The following PEX14 variants were observed in gnomAD, a reference collection of about 807,000 sequenced individuals.
PEX14 encodes the protein peroxisomal membrane protein PEX14.
In PEX14, 15 loss-of-function variants were observed where a neutral mutation model predicts 49.5. That is an observed-to-expected ratio of 0.30 (90% CI 0.20 to 0.47). The LOEUF is 0.47. Among genes scored for constraint, PEX14 ranks in the 20% least tolerant of loss-of-function variants. The pLI is 1.00. For synonymous variants in PEX14, 210 were observed against 212.7 expected, an observed-to-expected ratio of 0.99 and a Z score of 0.11; for missense variants, 398 against 494.8, an observed-to-expected ratio of 0.80 and a Z score of 1.86.
chr1:10,615,928 T>C (rs1641401839), intron 4 of PEX14, among the ~76,000 whole-genome samples: 1 of 152,218 alleles, frequency 6.6e-6, no homozygotes, highest in Admixed American at 6.5e-5. Flanking sequence ...TTTCACAGAC[T>C]GCCCTGTGCT....
intron 2 of PEX14, among the ~76,000 whole-genome samples, chr1:10,503,513 A>G (rs1484501109): frequency 1.3e-5 from 2 of 151,792 alleles, no homozygotes; most frequent in East Asian, 3.9e-4. Context: ...GAGGAAATAA[A>G]ATTTCCTCTG....
At chr1:10,622,013 G>A (rs1406527592) in intron 5 of PEX14, among the ~76,000 whole-genome samples, 1 of 152,100 alleles carries the variant, frequency 6.6e-6, no homozygotes, top group Non-Finnish European at 1.5e-5. Context: ...AGGGGGCAGC[G>A]GGTCTCACTC....
chr1:10,605,583 C>T (rs563077351), intron 4 of PEX14, among the ~76,000 whole-genome samples: 8 of 152,270 alleles, frequency 5.3e-5, no homozygotes, highest in Admixed American at 2.6e-4. Flanking sequence ...AGCAAAGGCC[C>T]GGGGCCAGGG....
intron 2 of PEX14, among the ~76,000 whole-genome samples, chr1:10,510,713 ATGAG>A (rs1451600774): frequency 6.6e-6 from 1 of 152,188 alleles, no homozygotes; most frequent in Admixed American, 6.5e-5. Context: ...TATTTGTGGA[ATGAG>A]TGAGTGTGTG....
chr1:10,585,583 C>A (rs1221470511), intron 3 of PEX14, among the ~76,000 whole-genome samples: 1 of 152,172 alleles, frequency 6.6e-6, no homozygotes, highest in Non-Finnish European at 1.5e-5. Flanking sequence ...AAACACTAAC[C>A]ACAAGAAACT....
chr1:10,608,780 T>C (rs1177034372), intron 4 of PEX14, among the ~76,000 whole-genome samples: 1 of 152,156 alleles, frequency 6.6e-6, no homozygotes, highest in Admixed American at 6.5e-5. Flanking sequence ...ACTTTATATG[T>C]CATACAACTC....
chr1:10,531,552 G>A (rs1638651922), intron 2 of PEX14, among the ~76,000 whole-genome samples: 1 of 152,142 alleles, frequency 6.6e-6, no homozygotes, highest in South Asian at 2.1e-4. Flanking sequence ...GCAGTGCGGC[G>A]CTGGAATGGG....
At chr1:10,496,297 C>T (rs567487060) in intron 2 of PEX14, among the ~76,000 whole-genome samples, 1 of 152,290 alleles carries the variant, frequency 6.6e-6, no homozygotes, top group East Asian at 1.9e-4. Context: ...TTCATGTCAC[C>T]TGCTGTTACG....
At chr1:10,607,337 G>A (rs1002831463) in intron 4 of PEX14, among the ~76,000 whole-genome samples, 7 of 151,858 alleles carry the variant, frequency 4.6e-5, no homozygotes, top group African/African-American at 1.5e-4. Flanking sequence ...GAGCTATTAC[G>A]AATAAAACTT....
intron 1 of PEX14, among the ~76,000 whole-genome samples, chr1:10,476,706 G>A (rs1160765927): frequency 6.6e-6 from 1 of 152,084 alleles, no homozygotes; most frequent in Non-Finnish European, 1.5e-5. Flanking sequence ...GGCCAGGCTG[G>A]TCTTAAACTC....
intron 3 of PEX14, among the ~76,000 whole-genome samples, chr1:10,545,994 A>G (rs1639160209): frequency 6.6e-6 from 1 of 152,110 alleles, no homozygotes; most frequent in African/African-American, 2.4e-5. Flanking sequence ...ACAGGGAGCT[A>G]TGATTGTGCC....
At chr1:10,552,085 T>A (rs1469308471) in intron 3 of PEX14, among the ~76,000 whole-genome samples, 1 of 151,772 alleles carries the variant, frequency 6.6e-6, no homozygotes, top group African/African-American at 2.4e-5. Context: ...AGAACAAGAC[T>A]CTGTCTCAAA....
At chr1:10,522,453 A>G (rs1349156290) in intron 2 of PEX14, among the ~76,000 whole-genome samples, 1 of 152,272 alleles carries the variant, frequency 6.6e-6, no homozygotes, top group Non-Finnish European at 1.5e-5. Context: ...CATTATGAGC[A>G]TTCAAGAGGA....
chr1:10,562,934 CAGAGTCTCT>C (rs1340771113), intron 3 of PEX14, among the ~76,000 whole-genome samples: 2 of 138,686 alleles, frequency 1.4e-5, no homozygotes, highest in Admixed American at 7.7e-5. Context: ...TTTTTAGAGA[CAGAGTCTCT>C]CTCTGTCGCC....
In PEX14 at chr1:10,629,220, G is replaced by T. The variant is rs1049504790; in HGVS notation, c.678-311G>T. On this transcript the variant is annotated intron_variant, in intron 8 of 8. Coordinates refer to ENST00000356607, the MANE Select transcript of PEX14 (RefSeq NM_004565.3). The surrounding 1 kb of genome is among the most constrained non-coding windows in gnomAD (Gnocchi z 8.5). ...GGTGCTGAGGATCAGAAGGAAGCAG[G>T]CTCCCGCATGGCAGGCAGGCCCCAC... Among the ~76,000 whole-genome samples the T allele has an allele frequency of 1.3e-5, 2 of 152,260 alleles. No homozygotes were observed. Among genetic ancestry groups the T allele is most frequent in the African/African-American group, 4.8e-5 (2 of 41,464 alleles).
chr1:10,544,727 AT>A (rs1639117727), intron 3 of PEX14, among the ~76,000 whole-genome samples: 1 of 151,138 alleles, frequency 6.6e-6, no homozygotes, highest in Admixed American at 6.6e-5. Context: ...GCAAGTATGC[AT>A]TGATCTGCTA....
In PEX14 at chr1:10,512,329, CTG is replaced by C. The variant is rs988293716; in HGVS notation, c.84+17011_84+17012del. Reference sequence around the variant, plus strand: ...GGATCTTTTTTTCTGATACCCAACACTGTGGCACTTGACTAAGTCACCTGATT... The same window carrying C: ...GGATCTTTTTTTCTGATACCCAACACTGGCACTTGACTAAGTCACCTGATT... On this transcript the variant is annotated intron_variant, in intron 2 of 8. Transcript: ENST00000356607. This position sits in a 1 kb window ranked among gnomAD's most constrained non-coding sequence, Gnocchi z 4.6. Among the ~76,000 whole-genome samples, 65 of 152,264 alleles carry C rather than the reference CTG, an allele frequency of 4.3e-4. No homozygotes were observed. Among genetic ancestry groups the C allele is most frequent in the Middle Eastern group, 6.8e-3 (2 of 294 alleles).
chr1:10,542,300 C>G (rs1639039919), intron 3 of PEX14, among the ~76,000 whole-genome samples: 1 of 152,134 alleles, frequency 6.6e-6, no homozygotes, highest in Non-Finnish European at 1.5e-5. Flanking sequence ...GTATTACTCC[C>G]CCACAGAAAC....
Position 10,613,060 on chromosome 1 carries a change from T to A in PEX14, c.299-5272T>A, listed in dbSNP as rs1266440659. Among the ~76,000 whole-genome samples the A allele has an allele frequency of 6.6e-6, 1 of 152,200 alleles. No individual in the cohort carries two copies. Reference sequence around the variant, plus strand: ...CTCGGCAGGATGGTTCCGTGACAGCTCTCAGCTCTGTGTTGCCGATGAACC... The same window carrying A: ...CTCGGCAGGATGGTTCCGTGACAGCACTCAGCTCTGTGTTGCCGATGAACC... On this transcript the variant is annotated intron_variant, in intron 4 of 8. Coordinates refer to ENST00000356607, the MANE Select transcript of PEX14 (RefSeq NM_004565.3). This position sits in a 1 kb window ranked among gnomAD's most constrained non-coding sequence, Gnocchi z 5.0.
Sources: allele counts gnomAD v4.1 joint callset (sites outside exome capture counted in the v4.1 genomes callset), GRCh38; gene constraint gnomAD v4.1.1; non-coding constraint Gnocchi (gnomAD v3.1); transcripts MANE v1.5; gene names NCBI Gene and HGNC (gene_info 2026-07-23, HGNC 2026-07-21).